The following TDRP variants were observed in gnomAD, a reference collection of about 807,000 sequenced individuals.
The protein encoded by TDRP is testis development-related protein.
Under a neutral mutation model 10.5 loss-of-function variants are expected in TDRP, and 12 were observed. The observed-to-expected ratio is 1.15, with a 90% CI of 0.73 to 1.86. The LOEUF (loss-of-function observed/expected upper bound fraction) is 1.86. Ranked by LOEUF, TDRP falls within the 40% of genes most tolerant of loss-of-function variation. The pLI, the probability that TDRP is intolerant of heterozygous loss-of-function variation, is 0.00. For synonymous variants in TDRP, 139 were observed against 95.4 expected, an observed-to-expected ratio of 1.46 and a Z score of -2.67; for missense variants, 353 against 229.2, an observed-to-expected ratio of 1.54 and a Z score of -3.49.
chr8:522,705 G>C (rs1801938267), intron 1 of TDRP, among the ~76,000 whole-genome samples: 1 of 152,182 alleles, frequency 6.6e-6, no homozygotes, highest in Non-Finnish European at 1.5e-5. Context: ...CTGACTCGGT[G>C]CACCTAAATA....
At chr8:512,269 A>C (rs984694732) in intron 1 of TDRP, among the ~76,000 whole-genome samples, 1 of 123,194 alleles carries the variant, frequency 8.1e-6, no homozygotes, top group Non-Finnish European at 1.9e-5. Context: ...AACAACAACA[A>C]CAACAAAAAA....
At chr8:501,018 A>C (rs993999504) in intron 1 of TDRP, among the ~76,000 whole-genome samples, 1 of 152,138 alleles carries the variant, frequency 6.6e-6, no homozygotes, top group Admixed American at 6.5e-5. Flanking sequence ...CATCCTGGCT[A>C]ACACGGTGAA....
chr8:526,620 A>C (rs1238026150), intron 1 of TDRP, among the ~76,000 whole-genome samples: 2 of 152,098 alleles, frequency 1.3e-5, no homozygotes, highest in Non-Finnish European at 2.9e-5. Context: ...TTTAATTGAG[A>C]ATTTTTACAT....
intron 1 of TDRP, among the ~76,000 whole-genome samples, chr8:525,933 G>T (rs1219622394): frequency 6.6e-6 from 1 of 152,086 alleles, no homozygotes; most frequent in Non-Finnish European, 1.5e-5. Context: ...ATTGGGTCCT[G>T]GGCTTTTCTC....
At position 501,889 on chromosome 8, in the gene TDRP, G is replaced by A. The variant is rs116015159; in HGVS notation, c.109-7292C>T. On this transcript the variant is annotated intron_variant, in intron 1 of 2. Coordinates refer to ENST00000324079, the MANE Select transcript of TDRP (RefSeq NM_001384899.1). ...TGTGAAGATGAGGGGAACATGGAAG[G>A]AGCTGTGCATGACCCTGACCCACCC... is the stretch of plus-strand genomic sequence containing the variant. 3.4e-3 allele frequency among the ~76,000 whole-genome samples: 515 copies of A among 152,288 alleles called. 3 individuals are homozygous for A. Among genetic ancestry groups the A allele is most frequent in the African/African-American group, 0.012 (495 of 41,576 alleles).
intron 1 of TDRP, among the ~76,000 whole-genome samples, chr8:502,994 A>C (rs1166070351): frequency 6.6e-6 from 1 of 151,890 alleles, no homozygotes; most frequent in Non-Finnish European, 1.5e-5. Flanking sequence ...CACAGAATAC[A>C]GAGCCGCACA....
At chr8:508,801 A>G (rs1435431003) in intron 1 of TDRP, among the ~76,000 whole-genome samples, 1 of 152,188 alleles carries the variant, frequency 6.6e-6, no homozygotes, top group Non-Finnish European at 1.5e-5. Context: ...CATTAACTCA[A>G]AAGTCCAAAT....
intron 1 of TDRP, among the ~76,000 whole-genome samples, chr8:506,317 G>A (rs148429359): frequency 2.0e-4 from 30 of 152,208 alleles, no homozygotes; most frequent in East Asian, 1.9e-3. Flanking sequence ...GCTCGGCAGC[G>A]GGGGGAGGGG....
At chr8:545,089 A>C, upstream of TDRP, 1 of 113,790 alleles carries the variant, frequency 8.8e-6, no homozygotes, top group Non-Finnish European at 1.6e-5. Context: ...CCCAAATTCG[A>C]CGGGGCTCCG....
At chr8:525,683 T>C (rs1361122221) in intron 1 of TDRP, among the ~76,000 whole-genome samples, 1 of 151,814 alleles carries the variant, frequency 6.6e-6, no homozygotes, top group Non-Finnish European at 1.5e-5. Flanking sequence ...TCAAAAAACA[T>C]ACAATGGATA....
chr8:510,938 C>T (rs1258986544), intron 1 of TDRP, among the ~76,000 whole-genome samples: 1 of 152,092 alleles, frequency 6.6e-6, no homozygotes, highest in African/African-American at 2.4e-5. Flanking sequence ...ATATATTTGC[C>T]AATAACACCA....
chr8:523,140 T>C (rs1801949767), intron 1 of TDRP, among the ~76,000 whole-genome samples: 2 of 152,210 alleles, frequency 1.3e-5, no homozygotes, highest in African/African-American at 4.8e-5. Flanking sequence ...TGTAGTGAAA[T>C]GTTTTTATTC....
intron 1 of TDRP, among the ~76,000 whole-genome samples, chr8:496,255 G>A (rs887235487): frequency 2.0e-5 from 3 of 152,216 alleles, no homozygotes; most frequent in Non-Finnish European, 4.4e-5. Flanking sequence ...TGCACATCAG[G>A]TAAAGGATTA....
intron 1 of TDRP, among the ~76,000 whole-genome samples, chr8:538,840 A>C (rs1802416421): frequency 6.6e-6 from 1 of 152,200 alleles, no homozygotes; most frequent in South Asian, 2.1e-4. Context: ...CAGATCTAAA[A>C]TCTTGAAGAC....
At chr8:539,791 G>C (rs1802445320) in intron 1 of TDRP, among the ~76,000 whole-genome samples, 1 of 152,132 alleles carries the variant, frequency 6.6e-6, no homozygotes, top group Non-Finnish European at 1.5e-5. Flanking sequence ...CACCACTAAA[G>C]CAAACGTCAC....
intron 1 of TDRP, among the ~76,000 whole-genome samples, chr8:521,396 A>AAGAG (rs35450526): frequency 2.6e-5 from 4 of 151,058 alleles, no homozygotes; most frequent in Admixed American, 6.6e-5. Flanking sequence ...CAGCCTGGGC[A>AAGAG]AGAGAGAGAG....
intron 1 of TDRP, among the ~76,000 whole-genome samples, chr8:508,079 G>T (rs1210632628): frequency 2.0e-5 from 3 of 152,104 alleles, no homozygotes; most frequent in Admixed American, 6.6e-5. Flanking sequence ...TTATAAATAT[G>T]TTAACAAAGC....
intron 1 of TDRP, among the ~76,000 whole-genome samples, chr8:508,088 G>C (rs921867310): frequency 3.3e-5 from 5 of 152,084 alleles, no homozygotes; most frequent in Non-Finnish European, 7.4e-5. Flanking sequence ...TGTTAACAAA[G>C]CTAAAGGAAA....
At chr8:509,621 C>G (rs1045270257) in intron 1 of TDRP, among the ~76,000 whole-genome samples, 4 of 152,070 alleles carry the variant, frequency 2.6e-5, no homozygotes, top group African/African-American at 9.7e-5. Context: ...CTCATCTGAC[C>G]CATTTTTTCC....
Sources: gnomAD v4.1 joint callset for allele counts (sites outside exome capture counted in the v4.1 genomes callset) on GRCh38, gnomAD v4.1.1 for gene constraint, MANE v1.5 for transcripts, NCBI Gene and HGNC (gene_info 2026-07-23, HGNC 2026-07-21) for gene names.